CSMD2: variants seen among roughly 807,000 people sequenced by gnomAD.
The protein encoded by CSMD2 is CUB and Sushi multiple domains 2, also known as CUB and sushi domain-containing protein 2.
CSMD2 carries 130 observed loss-of-function variants against 398.5 expected under a neutral mutation model. The observed-to-expected ratio is 0.33, with a 90% CI of 0.28 to 0.38. The LOEUF (loss-of-function observed/expected upper bound fraction) is 0.38, where lower values mean the gene tolerates loss of function less well. Among genes scored for constraint, CSMD2 ranks in the 10% least tolerant of loss-of-function variants. The probability of loss-of-function intolerance (pLI) is 1.00; values close to 1 mark genes in which losing one functional copy is unlikely to be tolerated. For synonymous variants in CSMD2, 1,828 were observed against 1,908.5 expected, an observed-to-expected ratio of 0.96 and a Z score of 1.10; for missense variants, 3,829 against 4,764.9, an observed-to-expected ratio of 0.80 and a Z score of 5.78.
rs1218425891 is a variant in CSMD2, at chr1:33,587,180, A to C, written c.6857-12T>G. On this transcript the variant is annotated splice_polypyrimidine_tract_variant and intron_variant, in intron 44 of 70. Transcript: ENST00000373381. ...GGTGAGTGGATAAGCTGAAAAGATA[A>C]AAGCAGGCAAGTCAGGGTAAGATCA... is the stretch of plus-strand genomic sequence containing the variant. 5 of 1,594,488 alleles carry C rather than the reference A, an allele frequency of 3.1e-6. No homozygotes were observed. Among genetic ancestry groups the C allele is most frequent in the Non-Finnish European group, 4.3e-6 (5 of 1,168,264 alleles).
intron 3 of CSMD2, among the ~76,000 whole-genome samples, chr1:33,992,326 C>T (rs1646581526): frequency 6.6e-6 from 1 of 152,066 alleles, no homozygotes; most frequent in East Asian, 1.9e-4. Flanking sequence ...GTAGCTGGGA[C>T]TATAGGCGTG....
intron 3 of CSMD2, among the ~76,000 whole-genome samples, chr1:33,962,016 C>A (rs1333307325): frequency 6.6e-6 from 1 of 152,192 alleles, no homozygotes; most frequent in Non-Finnish European, 1.5e-5. Context: ...GTGAAAAACA[C>A]ATGTCACAGA....
At chr1:33,936,243 T>C (rs1182478140) in intron 3 of CSMD2, among the ~76,000 whole-genome samples, 2 of 152,238 alleles carry the variant, frequency 1.3e-5, no homozygotes, top group Non-Finnish European at 2.9e-5. Context: ...ATGTGAATTA[T>C]GTTCATCCTG....
chr1:34,019,104 C>T (rs149951036), intron 3 of CSMD2, among the ~76,000 whole-genome samples: 20 of 152,226 alleles, frequency 1.3e-4, no homozygotes, highest in Non-Finnish European at 2.6e-4. Flanking sequence ...AATAATAGGG[C>T]CTACCTCAAA....
At chr1:33,653,693 T>G (rs1009683263) in intron 27 of CSMD2, among the ~76,000 whole-genome samples, 2 of 152,036 alleles carry the variant, frequency 1.3e-5, no homozygotes, top group African/African-American at 4.8e-5. Flanking sequence ...TGGCTGGGGC[T>G]GCTGTACCGT....
chr1:34,132,358 C>T (rs550778103), intron 1 of CSMD2, among the ~76,000 whole-genome samples: 11 of 152,188 alleles, frequency 7.2e-5, no homozygotes, highest in East Asian at 1.9e-4. Context: ...TGGCACCCAC[C>T]GAGAACCATC....
chr1:33,871,778 G>T (rs967498538), intron 5 of CSMD2, among the ~76,000 whole-genome samples: 2 of 152,098 alleles, frequency 1.3e-5, no homozygotes, highest in Non-Finnish European at 2.9e-5. Flanking sequence ...CACCACATCT[G>T]GCTAATTTTC....
At chr1:34,000,635 G>A (rs868424548) in intron 3 of CSMD2, among the ~76,000 whole-genome samples, 2 of 152,130 alleles carry the variant, frequency 1.3e-5, no homozygotes, top group African/African-American at 2.4e-5. Context: ...CCAGAGAAGT[G>A]TCATAGAAAT....
In CSMD2 at chr1:33,743,426, T is replaced by G; in HGVS notation, c.2027A>C (p.Asp676Ala). The G allele has an allele frequency of 3.7e-6, 6 of 1,614,182 alleles. No homozygotes were observed. The highest frequency in any genetic ancestry group is 5.1e-6 in the Non-Finnish European group (6 of 1,180,032). Residue 676 changes from aspartate to alanine, a missense_variant, in exon 14 of 71, where the codon GAT becomes GCT. Transcript: ENST00000373381. ...EPQFDFLVIK[D>A]GATAEAPVLG... is the part of the protein sequence containing the mutation. ...GACGGGCGCCTCGGCGGTGGCCCCA[T>G]CCTTGATGACCAGGAAATCAAACTG...
chr1:33,569,576 C>A, intron 51 of CSMD2, 29 bp from the exon 52 acceptor site: 1 of 1,604,568 alleles, frequency 6.2e-7, no homozygotes. Context: ...GCTCAGTAAG[C>A]CAGCCCCAAG....
intron 1 of CSMD2, among the ~76,000 whole-genome samples, chr1:34,090,199 AATGGAGATTCAG>A (rs1658395580): frequency 6.6e-6 from 1 of 152,098 alleles, no homozygotes; most frequent in South Asian, 2.1e-4. Context: ...ATCTGTCTCA[AATGGAGATTCAG>A]ATCGACACCG....
intron 22 of CSMD2, among the ~76,000 whole-genome samples, chr1:33,701,312 G>C (rs943650284): frequency 1.3e-5 from 2 of 152,188 alleles, no homozygotes; most frequent in Non-Finnish European, 2.9e-5. Context: ...GGGTGGAATC[G>C]TACAGGCATC....
At chr1:33,622,037 C>T (rs899337738) in intron 37 of CSMD2, 130 bp downstream of exon 37, 3 of 722,366 alleles carry the variant, frequency 4.2e-6, no homozygotes, top group Non-Finnish European at 7.4e-6. Context: ...AGCATCTTCA[C>T]CTAGGTTTGT....
At chr1:33,976,429 C>T (rs898287507) in intron 3 of CSMD2, among the ~76,000 whole-genome samples, 5 of 152,150 alleles carry the variant, frequency 3.3e-5, no homozygotes, top group East Asian at 1.9e-4. Context: ...TTCATTTCTC[C>T]GCTGGCTCCA....
intron 22 of CSMD2, among the ~76,000 whole-genome samples, chr1:33,707,695 G>GCGCGCACACACACA (rs1172787777): frequency 4.3e-5 from 4 of 92,092 alleles, no homozygotes; most frequent in South Asian, 6.3e-4. Flanking sequence ...GCGCGCGCGC[G>GCGCGCACACACACA]CACACACACA....
intron 2 of CSMD2, 42 bp downstream of exon 2, chr1:34,088,935 T>C: frequency 6.6e-7 from 1 of 1,521,762 alleles, no homozygotes; most frequent in Non-Finnish European, 9.1e-7. Flanking sequence ...GCTTGGCTCA[T>C]AGCCCAGCTG....
intron 55 of CSMD2, among the ~76,000 whole-genome samples, chr1:33,551,319 G>C (rs1322878099): frequency 6.6e-6 from 1 of 152,190 alleles, no homozygotes; most frequent in Non-Finnish European, 1.5e-5. Context: ...TGAGCATCTT[G>C]GGAAGCCACT....
chr1:33,920,747 G>A (rs1464650913), intron 4 of CSMD2, among the ~76,000 whole-genome samples: 1 of 152,114 alleles, frequency 6.6e-6, no homozygotes, highest in African/African-American at 2.4e-5. Flanking sequence ...GATCCCTTGG[G>A]ATGCCATGTA....
At chr1:33,530,666 A>C (rs969462556) in intron 64 of CSMD2, among the ~76,000 whole-genome samples, 1 of 152,232 alleles carries the variant, frequency 6.6e-6, no homozygotes, top group African/African-American at 2.4e-5. Context: ...GGCATTATTC[A>C]TAATAGCCAA....
Sources: allele counts gnomAD v4.1 joint callset (sites outside exome capture counted in the v4.1 genomes callset), GRCh38; gene constraint gnomAD v4.1.1; transcripts MANE v1.5; gene names NCBI Gene and HGNC (gene_info 2026-07-23, HGNC 2026-07-21).